The following CTNNA3 variants were observed in gnomAD, a reference collection of about 807,000 sequenced individuals.
CTNNA3 encodes the protein catenin alpha-3.
A neutral mutation model predicts 95.7 loss-of-function variants in CTNNA3; 76 were observed. The observed-to-expected ratio is 0.79, with a 90% CI of 0.66 to 0.96. The LOEUF (loss-of-function observed/expected upper bound fraction) is 0.96, where lower values mean the gene tolerates loss of function less well. Among genes scored for constraint, CTNNA3 ranks in the 40% least tolerant of loss-of-function variants. CTNNA3 has a pLI of 0.00. For synonymous variants in CTNNA3, 431 were observed against 374.4 expected, an observed-to-expected ratio of 1.15 and a Z score of -1.74; for missense variants, 1,191 against 1,089.8, an observed-to-expected ratio of 1.09 and a Z score of -1.31.
intron 5 of CTNNA3, among the ~76,000 whole-genome samples, chr10:67,311,096 T>A (rs1040884461): frequency 6.6e-6 from 1 of 152,192 alleles, no homozygotes; most frequent in African/African-American, 2.4e-5. Context: ...CTGTACCTTC[T>A]GCGCCTTAAA....
chr10:66,189,737 A>T (rs1441157299), intron 13 of CTNNA3, among the ~76,000 whole-genome samples: 1 of 151,340 alleles, frequency 6.6e-6, no homozygotes, highest in Non-Finnish European at 1.5e-5. Flanking sequence ...ATAAATTTAT[A>T]CTGTATTTTT....
At chr10:66,336,752 AC>A (rs1345784811) in intron 12 of CTNNA3, among the ~76,000 whole-genome samples, 1 of 152,134 alleles carries the variant, frequency 6.6e-6, no homozygotes, top group Non-Finnish European at 1.5e-5. Flanking sequence ...CTGAGTATAA[AC>A]AGGGCCTAAT....
chr10:67,025,472 C>G (rs1162002794), intron 7 of CTNNA3, among the ~76,000 whole-genome samples: 1 of 152,074 alleles, frequency 6.6e-6, no homozygotes, highest in Non-Finnish European at 1.5e-5. Context: ...TCATAGATTA[C>G]CAATCACTCA....
chr10:66,139,050 G>A (rs1021690311), intron 13 of CTNNA3, among the ~76,000 whole-genome samples: 1 of 152,110 alleles, frequency 6.6e-6, no homozygotes, highest in Admixed American at 6.6e-5. Context: ...GTTTGCCTCT[G>A]CCCTGTGTGA....
intron 7 of CTNNA3, among the ~76,000 whole-genome samples, chr10:66,952,395 T>C (rs549241433): frequency 6.6e-6 from 1 of 152,150 alleles, no homozygotes; most frequent in Non-Finnish European, 1.5e-5. Context: ...ACAAAAGACA[T>C]AAGCAACGCA....
chr10:66,499,001 G>A (rs762485656), intron 11 of CTNNA3, among the ~76,000 whole-genome samples: 8 of 152,040 alleles, frequency 5.3e-5, no homozygotes, highest in Non-Finnish European at 1.0e-4. Context: ...AGGCATCTGC[G>A]GTATACCATA....
At chr10:65,921,100 G>T (rs2077079435) in intron 17 of CTNNA3, among the ~76,000 whole-genome samples, 1 of 152,078 alleles carries the variant, frequency 6.6e-6, no homozygotes, top group Non-Finnish European at 1.5e-5. Context: ...TCTGTGCTTT[G>T]TGGTATTATA....
At chr10:66,387,567 C>T (rs975778201) in intron 11 of CTNNA3, among the ~76,000 whole-genome samples, 36 of 152,074 alleles carry the variant, frequency 2.4e-4, no homozygotes, top group African/African-American at 8.0e-4. Flanking sequence ...ACTAGAATTA[C>T]CATTTGACCC....
chr10:67,615,279 C>T lies in CTNNA3; in HGVS notation c.100-8230G>A, dbSNP rs139861659. ...ACAGTAACAAAGCACATGTAGATCC[C>T]TCTCCAATTCCACCAGCCCTCTGTG... On this transcript the variant is annotated intron_variant, in intron 2 of 17. Transcript: ENST00000433211. Among the ~76,000 whole-genome samples, 556 of 152,314 alleles carry T rather than the reference C, an allele frequency of 3.7e-3. 5 individuals are homozygous for T. Among genetic ancestry groups the T allele is most frequent in the African/African-American group, 0.013 (522 of 41,556 alleles).
chr10:67,142,872 T>C (rs1860645991), intron 7 of CTNNA3, among the ~76,000 whole-genome samples: 1 of 151,868 alleles, frequency 6.6e-6, no homozygotes, highest in Non-Finnish European at 1.5e-5. Flanking sequence ...GCAGAGGTTG[T>C]AGTAAGCTGA....
chr10:67,434,207 T>C (rs1443450198), intron 5 of CTNNA3, among the ~76,000 whole-genome samples: 1 of 152,026 alleles, frequency 6.6e-6, no homozygotes, highest in African/African-American at 2.4e-5. Context: ...GAATCCTAAG[T>C]GTTTCTGTTA....
chr10:67,503,165 C>T (rs149033407), intron 5 of CTNNA3, among the ~76,000 whole-genome samples: 212 of 152,314 alleles, frequency 1.4e-3, no homozygotes, highest in African/African-American at 4.4e-3. Flanking sequence ...GTGTCTGGGC[C>T]GGAATGCACC....
At chr10:67,704,741 C>G (rs1841067145) in intron 1 of CTNNA3, among the ~76,000 whole-genome samples, 1 of 151,976 alleles carries the variant, frequency 6.6e-6, no homozygotes, top group Admixed American at 6.6e-5. Context: ...TCTAAAACAC[C>G]AAAAGCAATG....
chr10:66,119,527 C>T lies in CTNNA3; in HGVS notation c.1885-16278G>A, dbSNP rs554985883. Among the ~76,000 whole-genome samples the T allele has an allele frequency of 1.1e-4, 16 of 152,236 alleles. No homozygotes were observed. The South Asian group carries it at 1.9e-3, about 18-fold the overall frequency. ...ATGTATACATATATTTTTTACTCCT[C>T]ATGCTGTTTTATCACTTTTTGATCC... On this transcript the variant is annotated intron_variant, in intron 13 of 17. Transcript: ENST00000433211.
chr10:66,588,492 T>A (rs1843436712), intron 10 of CTNNA3, among the ~76,000 whole-genome samples: 1 of 152,276 alleles, frequency 6.6e-6, no homozygotes, highest in Admixed American at 6.5e-5. Context: ...GATTTTCAGT[T>A]AACACAATTC....
intron 7 of CTNNA3, among the ~76,000 whole-genome samples, chr10:66,877,063 T>C (rs1233334351): frequency 1.3e-5 from 2 of 152,140 alleles, no homozygotes; most frequent in Non-Finnish European, 2.9e-5. Context: ...CTGAGCTGCC[T>C]GACTTTCTTA....
At chr10:67,149,202 A>G (rs998304818) in intron 7 of CTNNA3, among the ~76,000 whole-genome samples, 10 of 152,076 alleles carry the variant, frequency 6.6e-5, no homozygotes, top group Non-Finnish European at 1.3e-4. Flanking sequence ...TCACTCATCT[A>G]CTACTACTAC....
At chr10:66,763,333 C>CAG (rs746523452) in intron 9 of CTNNA3, among the ~76,000 whole-genome samples, 159 of 104,110 alleles carry the variant, frequency 1.5e-3, no homozygotes, top group South Asian at 2.1e-3. Context: ...CACACACACA[C>CAG]ACACACACAG....
In CTNNA3 at chr10:67,599,244, G is replaced by T. The variant is rs151246750; in HGVS notation, c.292+7613C>A. ...AAGTAAAACTCAACACTCTTCCAAG[G>T]AAAATAAAAGAATCCGAAACATCTC... is the stretch of plus-strand genomic sequence containing the variant. On this transcript the variant is annotated intron_variant, in intron 3 of 17. Transcript: ENST00000433211. Among the ~76,000 whole-genome samples the T allele has an allele frequency of 1.5e-4, 23 of 152,230 alleles. No homozygotes were observed. The East Asian group carries it at 4.4e-3, about 29-fold the overall frequency.
Sources: gnomAD v4.1 joint callset for allele counts (sites outside exome capture counted in the v4.1 genomes callset) on GRCh38, gnomAD v4.1.1 for gene constraint, MANE v1.5 for transcripts, NCBI Gene and HGNC (gene_info 2026-07-23, HGNC 2026-07-21) for gene names.